FAF1: variants seen among roughly 807,000 people sequenced by gnomAD.
FAF1 encodes Fas associated factor 1, also known as FAS-associated factor 1.
In FAF1, 25 loss-of-function variants were observed where a neutral mutation model predicts 92.5. The ratio of observed to expected loss-of-function variants is 0.27; its 90% CI spans 0.20 to 0.38. The LOEUF (loss-of-function observed/expected upper bound fraction) is 0.38, where lower values mean the gene tolerates loss of function less well. Ranked by LOEUF, FAF1 falls within the 10% of genes least tolerant of loss-of-function variation. The pLI, the probability that FAF1 is intolerant of heterozygous loss-of-function variation, is 1.00. For synonymous variants in FAF1, 234 were observed against 273.2 expected, an observed-to-expected ratio of 0.86 and a Z score of 1.42; for missense variants, 636 against 793.3, an observed-to-expected ratio of 0.80 and a Z score of 2.38.
intron 2 of FAF1, among the ~76,000 whole-genome samples, chr1:50,831,580 T>C (rs1644153386): frequency 6.6e-6 from 1 of 152,168 alleles, no homozygotes; most frequent in African/African-American, 2.4e-5. Flanking sequence ...TGAATGAATA[T>C]GATCAAGAGA....
intron 6 of FAF1, among the ~76,000 whole-genome samples, chr1:50,730,274 A>G (rs915104119): frequency 2.0e-5 from 3 of 152,026 alleles, no homozygotes; most frequent in African/African-American, 7.3e-5. Flanking sequence ...TTATTTTGAA[A>G]TAATTTATTA....
chr1:50,795,365 C>A (rs148104846), intron 3 of FAF1, among the ~76,000 whole-genome samples: 488 of 152,300 alleles, frequency 3.2e-3, no homozygotes, highest in African/African-American at 0.012. Flanking sequence ...ATGGACTTTG[C>A]GAATACCATA....
At chr1:50,626,456 G>A (rs1653501664) in intron 8 of FAF1, among the ~76,000 whole-genome samples, 1 of 152,104 alleles carries the variant, frequency 6.6e-6, no homozygotes, top group Non-Finnish European at 1.5e-5. Flanking sequence ...GAATTATACA[G>A]GATATATCAG....
intron 4 of FAF1, among the ~76,000 whole-genome samples, chr1:50,777,158 T>A (rs1660993612): frequency 6.6e-6 from 1 of 151,642 alleles, no homozygotes; most frequent in African/African-American, 2.4e-5. Flanking sequence ...ACACCTGTAA[T>A]CCCAGTCCTT....
At chr1:50,631,099 A>G (rs1357391368) in intron 8 of FAF1, among the ~76,000 whole-genome samples, 3 of 151,688 alleles carry the variant, frequency 2.0e-5, no homozygotes, top group South Asian at 2.1e-4. Flanking sequence ...CTCTATTTTC[A>G]TTCTCCTACC....
intron 1 of FAF1, among the ~76,000 whole-genome samples, chr1:50,944,111 T>C (rs1263584290): frequency 6.6e-6 from 1 of 152,134 alleles, no homozygotes; most frequent in Non-Finnish European, 1.5e-5. Context: ...GTGAAGTTGA[T>C]GAGATGGGAG....
At chr1:50,865,995 T>G (rs1470407320) in intron 1 of FAF1, among the ~76,000 whole-genome samples, 1 of 151,850 alleles carries the variant, frequency 6.6e-6, no homozygotes, top group Non-Finnish European at 1.5e-5. Flanking sequence ...AAAATGAGAA[T>G]CCACCATGAT....
intron 1 of FAF1, among the ~76,000 whole-genome samples, chr1:50,888,554 A>G (rs995619589): frequency 2.0e-5 from 3 of 152,194 alleles, no homozygotes; most frequent in Non-Finnish European, 2.9e-5. Flanking sequence ...CATCCCATTA[A>G]TACCTAATTT....
chr1:50,910,987 T>C (rs939211381), intron 1 of FAF1, among the ~76,000 whole-genome samples: 1 of 152,110 alleles, frequency 6.6e-6, no homozygotes, highest in Non-Finnish European at 1.5e-5. Context: ...ACTGGAGCTG[T>C]TCCTATTTGG....
chr1:50,953,151 G>A (rs199614408), intron 1 of FAF1, among the ~76,000 whole-genome samples: 69 of 149,068 alleles, frequency 4.6e-4, no homozygotes, highest in Non-Finnish European at 6.3e-4. Context: ...AATGGATTAA[G>A]GGCGGTGCAA....
chr1:50,952,341 C>A (rs1570180378), intron 1 of FAF1, among the ~76,000 whole-genome samples: 2 of 152,240 alleles, frequency 1.3e-5, no homozygotes, highest in Admixed American at 1.3e-4. Flanking sequence ...AGCTCCTGAC[C>A]GCGAGTGATC....
intron 3 of FAF1, among the ~76,000 whole-genome samples, chr1:50,796,621 T>C (rs1661761400): frequency 6.6e-6 from 1 of 152,088 alleles, no homozygotes; most frequent in East Asian, 1.9e-4. Context: ...AATCATGACC[T>C]CTACATCCCT....
At chr1:50,480,758 TA>T (rs1299965804) in intron 17 of FAF1, among the ~76,000 whole-genome samples, 2 of 152,230 alleles carry the variant, frequency 1.3e-5, no homozygotes, top group Non-Finnish European at 2.9e-5. Flanking sequence ...ACTATACTTT[TA>T]TTTGTTATTT....
At chr1:50,597,626 G>GA (rs1340871141) in intron 8 of FAF1, among the ~76,000 whole-genome samples, 6 of 151,912 alleles carry the variant, frequency 3.9e-5, no homozygotes, top group Non-Finnish European at 8.8e-5. Context: ...ATTATCCAAA[G>GA]AAAACCCTTT....
At chr1:50,643,172 T>C (rs1447306027) in intron 8 of FAF1, among the ~76,000 whole-genome samples, 11 of 152,208 alleles carry the variant, frequency 7.2e-5, no homozygotes, top group Admixed American at 7.2e-4. Context: ...TTGCGTTTTA[T>C]CTCTTTTAAT....
intron 4 of FAF1, among the ~76,000 whole-genome samples, chr1:50,750,149 C>A (rs930480083): frequency 6.6e-6 from 1 of 152,114 alleles, no homozygotes; most frequent in African/African-American, 2.4e-5. Context: ...CTACCTAACT[C>A]CAAAGATCTT....
At chr1:50,801,880 T>C (rs938792107) in intron 2 of FAF1, among the ~76,000 whole-genome samples, 2 of 152,346 alleles carry the variant, frequency 1.3e-5, no homozygotes, top group East Asian at 3.9e-4. Flanking sequence ...TTTAAAAACA[T>C]GCATTTGACA....
At chr1:50,875,505 T>A (rs1326893443) in intron 1 of FAF1, among the ~76,000 whole-genome samples, 9 of 152,088 alleles carry the variant, frequency 5.9e-5, no homozygotes, top group African/African-American at 2.2e-4. Context: ...CAGGCTGGAG[T>A]GCAGTGGCAC....
chr1:50,793,515 T>C (rs769665910), intron 3 of FAF1, among the ~76,000 whole-genome samples: 3 of 152,140 alleles, frequency 2.0e-5, no homozygotes, highest in Non-Finnish European at 4.4e-5. Context: ...GGAGGTATAA[T>C]AGAAAAAAAC....
Sources: allele counts gnomAD v4.1 joint callset (sites outside exome capture counted in the v4.1 genomes callset), GRCh38; gene constraint gnomAD v4.1.1; transcripts MANE v1.5; gene names NCBI Gene and HGNC (gene_info 2026-07-23, HGNC 2026-07-21).